Variants in PTPRK observed in about 807,000 individuals in gnomAD.
PTPRK encodes the protein receptor-type tyrosine-protein phosphatase kappa.
Under a neutral mutation model 178.0 loss-of-function variants are expected in PTPRK, and 75 were observed. The ratio of observed to expected loss-of-function variants is 0.42; its 90% confidence interval spans 0.35 to 0.51. The LOEUF (loss-of-function observed/expected upper bound fraction) is 0.51, where lower values mean the gene tolerates loss of function less well. PTPRK is among the 20% of genes least tolerant of loss of function. PTPRK has a pLI of 0.02. For synonymous variants in PTPRK, 637 were observed against 620.6 expected, an observed-to-expected ratio of 1.03 and a Z score of -0.39; for missense variants, 1,441 against 1,797.8, an observed-to-expected ratio of 0.80 and a Z score of 3.59.
At chr6:128,269,930 C>G (rs1819537738) in intron 3 of PTPRK, among the ~76,000 whole-genome samples, 1 of 152,034 alleles carries the variant, frequency 6.6e-6, no homozygotes, top group Non-Finnish European at 1.5e-5. Flanking sequence ...TGCAGTTTTT[C>G]TATGGAGAAA....
intron 7 of PTPRK, among the ~76,000 whole-genome samples, chr6:128,102,789 G>C (rs1477177683): frequency 6.6e-6 from 1 of 152,118 alleles, no homozygotes; most frequent in African/African-American, 2.4e-5. Context: ...GAGCTAATGT[G>C]ATTCCATAGC....
rs1809902777 is a variant in PTPRK at position 128,219,109 on chromosome 6, A to C, written c.694-13T>G. The C allele has an allele frequency of 6.3e-7, 1 of 1,597,056 alleles. No homozygotes were observed. The highest frequency in any genetic ancestry group is 1.7e-5 in the Admixed American group (1 of 58,530). ...CTCCATTTCGTCTCTGCAAACAGAA[A>C]CCAATCTTTAAAAACAGGTTCTTAC... On this transcript the variant is annotated splice_polypyrimidine_tract_variant and intron_variant, in intron 5 of 29. Transcript: ENST00000368226.
At chr6:128,269,840 C>T (rs775324263) in intron 3 of PTPRK, among the ~76,000 whole-genome samples, 1 of 152,080 alleles carries the variant, frequency 6.6e-6, no homozygotes, top group Non-Finnish European at 1.5e-5. Flanking sequence ...CTAATTCCAA[C>T]AACAACATTT....
At chr6:128,304,130 T>G (rs1191136376) in intron 3 of PTPRK, among the ~76,000 whole-genome samples, 2 of 152,228 alleles carry the variant, frequency 1.3e-5, no homozygotes, top group East Asian at 3.8e-4. Context: ...TGCCTTCTGC[T>G]CTTCACTGCT....
intron 6 of PTPRK, among the ~76,000 whole-genome samples, chr6:128,198,366 T>A (rs1187230729): frequency 6.6e-6 from 1 of 152,198 alleles, no homozygotes; most frequent in East Asian, 1.9e-4. Context: ...ATTTAACAAC[T>A]TGTGTTTTCC....
intron 2 of PTPRK, among the ~76,000 whole-genome samples, chr6:128,391,363 G>A (rs749108444): frequency 6.6e-6 from 1 of 152,006 alleles, no homozygotes; most frequent in Non-Finnish European, 1.5e-5. Context: ...CACTCTCTTT[G>A]GTTGTGTTAA....
Position 128,089,847 on chromosome 6 carries a change from G to C in PTPRK, c.1308C>G (p.Asn436Lys), listed in dbSNP as rs149802467. ...TGTCCAAACAGTCTGCCTTGCTCTCGTTGTGACCACGGAAGTAATGGTAGC... is the reference window on the plus strand; with the variant it reads ...TGTCCAAACAGTCTGCCTTGCTCTCCTTGTGACCACGGAAGTAATGGTAGC... ...TICYHYFRGH[N>K]ESKADCLDMD... The change falls in exon 8 of 30, where the codon AAC (asparagine) becomes AAG (lysine). Residue 436 changes from asparagine to lysine, a missense_variant. Physicochemically the swap from Asn to Lys is moderately conservative, Grantham distance 94. Coordinates refer to ENST00000368226, the MANE Select transcript of PTPRK (RefSeq NM_002844.4). The C allele has an allele frequency of 1.1e-5, 18 of 1,613,964 alleles. No individual in the cohort carries two copies. The Admixed American group carries it at 2.8e-4, about 25-fold the overall frequency.
At chr6:128,278,031 C>T (rs1424652452) in intron 3 of PTPRK, among the ~76,000 whole-genome samples, 1 of 152,076 alleles carries the variant, frequency 6.6e-6, no homozygotes, top group East Asian at 1.9e-4. Flanking sequence ...ATTCTATTGA[C>T]ATTTTAAATG....
intron 3 of PTPRK, among the ~76,000 whole-genome samples, chr6:128,258,964 G>A (rs1029275572): frequency 6.6e-6 from 1 of 152,110 alleles, no homozygotes; most frequent in African/African-American, 2.4e-5. Flanking sequence ...GCCAGTGGAG[G>A]ATATGGGGTA....
intron 6 of PTPRK, among the ~76,000 whole-genome samples, chr6:128,186,172 G>A (rs1415639134): frequency 6.6e-6 from 1 of 151,864 alleles, no homozygotes; most frequent in Non-Finnish European, 1.5e-5. Context: ...ACATTGTAGG[G>A]GAGACATAGT....
intron 13 of PTPRK, among the ~76,000 whole-genome samples, chr6:128,012,009 G>A (rs1779114325): frequency 6.6e-6 from 1 of 151,186 alleles, no homozygotes. Flanking sequence ...GGGTAAGGCT[G>A]CCTGTCTGTC....
chr6:128,366,169 T>C (rs1422109145), intron 2 of PTPRK, among the ~76,000 whole-genome samples: 1 of 152,118 alleles, frequency 6.6e-6, no homozygotes, highest in African/African-American at 2.4e-5. Flanking sequence ...TTAGACACTT[T>C]TGGGAGTACT....
At chr6:128,078,967 T>C (rs769204499) in intron 10 of PTPRK, 49 bp from the exon 11 acceptor site, 1 of 1,221,554 alleles carries the variant, frequency 8.2e-7, no homozygotes, top group South Asian at 1.2e-5. Context: ...TTTACAGTAA[T>C]ATATCACAGG....
rs144001049 is a variant in PTPRK, at chr6:128,032,927, G to A, written c.2195-23659C>T. ...CCAGATCTTATTTTCTTGAATGACA[G>A]ATATTTTTAAAAAATCATTTTTGGT... On this transcript the variant is annotated intron_variant, in intron 13 of 29. Coordinates refer to ENST00000368226, the MANE Select transcript of PTPRK (RefSeq NM_002844.4). 2.6e-5 allele frequency among the ~76,000 whole-genome samples: 4 copies of A among 152,178 alleles called. No individual in the cohort carries two copies. In the East Asian group the frequency reaches 7.7e-4, roughly 29 times the overall value.
intron 3 of PTPRK, among the ~76,000 whole-genome samples, chr6:128,270,984 T>C (rs1334611348): frequency 2.0e-5 from 3 of 152,120 alleles, no homozygotes; most frequent in Admixed American, 1.3e-4. Flanking sequence ...TGATTCCGAC[T>C]ACTTCGACTG....
chr6:128,329,060 C>T (rs1001187499), intron 2 of PTPRK, among the ~76,000 whole-genome samples: 1 of 152,102 alleles, frequency 6.6e-6, no homozygotes, highest in Non-Finnish European at 1.5e-5. Context: ...ATTTTGACCT[C>T]ATGGATCACC....
chr6:128,237,674 A>G (rs1813541243), intron 5 of PTPRK, among the ~76,000 whole-genome samples: 1 of 152,202 alleles, frequency 6.6e-6, no homozygotes, highest in African/African-American at 2.4e-5. Context: ...ACTGGGTTAA[A>G]AGGTTTAGGA....
At chr6:128,200,448 AG>A (rs1805699672) in intron 6 of PTPRK, among the ~76,000 whole-genome samples, 1 of 152,170 alleles carries the variant, frequency 6.6e-6, no homozygotes, top group South Asian at 2.1e-4. Context: ...TTTCTAGGCC[AG>A]GCAGAGGGCT....
At chr6:128,511,509 T>C (rs1412948345) in intron 1 of PTPRK, among the ~76,000 whole-genome samples, 1 of 152,164 alleles carries the variant, frequency 6.6e-6, no homozygotes, top group Non-Finnish European at 1.5e-5. Flanking sequence ...TCTTGTTCGG[T>C]GGGAGCTGCC....
Sources: gnomAD v4.1 joint callset for allele counts (sites outside exome capture counted in the v4.1 genomes callset) on GRCh38, gnomAD v4.1.1 for gene constraint, MANE v1.5 for transcripts, NCBI Gene and HGNC (gene_info 2026-07-23, HGNC 2026-07-21) for gene names.